Variants in HS2ST1 observed in about 807,000 individuals in gnomAD.
HS2ST1 encodes the protein heparan sulfate 2-O-sulfotransferase 1, also known as 2-O-sulfotransferase.
HS2ST1 carries 18 observed loss-of-function variants against 42.9 expected under a neutral mutation model. The ratio of observed to expected loss-of-function variants is 0.42; its 90% CI spans 0.29 to 0.62. The LOEUF is 0.62. Among genes scored for constraint, HS2ST1 ranks in the 20% least tolerant of loss-of-function variants. The pLI, the probability that HS2ST1 is intolerant of heterozygous loss-of-function variation, is 0.21. For synonymous variants in HS2ST1, 146 were observed against 152.9 expected, an observed-to-expected ratio of 0.95 and a Z score of 0.33; for missense variants, 334 against 433.8, an observed-to-expected ratio of 0.77 and a Z score of 2.04.
chr1:87,004,062 C>CT (rs1365670777), intron 1 of HS2ST1, among the ~76,000 whole-genome samples: 2 of 151,976 alleles, frequency 1.3e-5, no homozygotes, highest in Admixed American at 1.3e-4. Flanking sequence ...GCTTCTGAAT[C>CT]TTTTTTGTTG....
intron 1 of HS2ST1, among the ~76,000 whole-genome samples, chr1:87,049,272 T>C (rs747345846): frequency 1.3e-5 from 2 of 151,920 alleles, no homozygotes; most frequent in Non-Finnish European, 2.9e-5. Flanking sequence ...AATTTGTATC[T>C]TCCCTTTTTT....
intron 1 of HS2ST1, among the ~76,000 whole-genome samples, chr1:86,994,378 G>C (rs948086180): frequency 3.3e-5 from 5 of 152,116 alleles, no homozygotes; most frequent in African/African-American, 9.7e-5. Flanking sequence ...AGAGAAATTA[G>C]ATGAAGTTTC....
At chr1:86,960,463 G>A (rs943476036) in intron 1 of HS2ST1, among the ~76,000 whole-genome samples, 1 of 152,144 alleles carries the variant, frequency 6.6e-6, no homozygotes, top group Non-Finnish European at 1.5e-5. Context: ...AAATATGTAC[G>A]TTTTGTGAAA....
At chr1:87,014,745 A>G (rs1319219149) in intron 1 of HS2ST1, among the ~76,000 whole-genome samples, 3 of 152,178 alleles carry the variant, frequency 2.0e-5, no homozygotes, top group African/African-American at 4.8e-5. Flanking sequence ...AAATACTTCT[A>G]CCCAACACAT....
intron 1 of HS2ST1, among the ~76,000 whole-genome samples, chr1:87,020,200 C>T (rs751573697): frequency 5.3e-5 from 8 of 152,132 alleles, no homozygotes; most frequent in African/African-American, 9.7e-5. Context: ...GAACTCTGGC[C>T]ATTTCAAATC....
At chr1:87,070,233 C>T (rs967527433) in intron 1 of HS2ST1, among the ~76,000 whole-genome samples, 7 of 152,032 alleles carry the variant, frequency 4.6e-5, no homozygotes, top group Non-Finnish European at 8.8e-5. Flanking sequence ...GGTGTTTGGA[C>T]GTAACATTAC....
rs1450074984 is a variant in HS2ST1 at position 87,092,686 on chromosome 1, A to G, written c.588+17A>G. The G allele has an allele frequency of 2.7e-6, 4 of 1,489,208 alleles. No individual in the cohort carries two copies. In the African/African-American group the frequency reaches 5.8e-5, roughly 22 times the overall value. The allele number at this position is 1,489,208 out of a possible 1,614,324, so 92.2% of individuals were successfully genotyped here. A position where few individuals can be genotyped will look rare whatever the true frequency, so the allele number is the denominator to read the frequency against. The stretch of plus-strand genomic sequence containing the variant: ...GACAAAAAGGTAATATTTTAGTTTT[A>G]AGATTTTTATAAAGATAATTGTTTA... On this transcript the variant is annotated intron_variant, in intron 4 of 6. Transcript: ENST00000370550.
intron 1 of HS2ST1, among the ~76,000 whole-genome samples, chr1:86,990,812 T>TTATAGATATATATATA (rs1553135488): frequency 9.8e-5 from 1 of 10,246 alleles, no homozygotes; most frequent in African/African-American, 1.5e-4. Context: ...CTGGCTAATT[T>TTATAGATATATATATA]TATATATATA....
chr1:86,941,821 C>A (rs983625384), intron 1 of HS2ST1, among the ~76,000 whole-genome samples: 1 of 152,122 alleles, frequency 6.6e-6, no homozygotes, highest in African/African-American at 2.4e-5. Context: ...GCCCCTGGTA[C>A]CTGCTACTGA....
intron 1 of HS2ST1, among the ~76,000 whole-genome samples, chr1:86,957,817 G>A (rs1232357848): frequency 2.8e-5 from 4 of 142,840 alleles, no homozygotes; most frequent in African/African-American, 1.0e-4. Context: ...TTTTTGAGAT[G>A]GAGTTTCATT....
chr1:87,004,112 C>T (rs903229779), intron 1 of HS2ST1, among the ~76,000 whole-genome samples: 3 of 152,154 alleles, frequency 2.0e-5, no homozygotes, highest in African/African-American at 7.2e-5. Flanking sequence ...GAATACTGGC[C>T]GGGCGTGGTG....
chr1:86,936,573 ATAT>A (rs1424029493), intron 1 of HS2ST1, among the ~76,000 whole-genome samples: 2 of 152,322 alleles, frequency 1.3e-5, no homozygotes, highest in African/African-American at 4.8e-5. Context: ...ATAGGTGTCA[ATAT>A]TATTCCTGTT....
intron 1 of HS2ST1, among the ~76,000 whole-genome samples, chr1:86,949,265 T>G (rs113665802): frequency 1.3e-5 from 2 of 152,024 alleles, no homozygotes; most frequent in Non-Finnish European, 2.9e-5. Context: ...CATACCACCA[T>G]GTCCGTCTAA....
At chr1:87,072,734 G>C (rs1651441698) in intron 1 of HS2ST1, among the ~76,000 whole-genome samples, 200 bp from the exon 2 acceptor site, 1 of 152,052 alleles carries the variant, frequency 6.6e-6, no homozygotes, top group African/African-American at 2.4e-5. Flanking sequence ...TTATGTTCCA[G>C]GCTGTACAGC....
chr1:87,078,287 A>C (rs1372739632), intron 2 of HS2ST1, among the ~76,000 whole-genome samples: 1 of 152,210 alleles, frequency 6.6e-6, no homozygotes, highest in African/African-American at 2.4e-5. Flanking sequence ...GTTAGTGAGA[A>C]GGGTGCTTCT....
At chr1:86,966,648 G>T (rs2102204096) in intron 1 of HS2ST1, among the ~76,000 whole-genome samples, 1 of 152,284 alleles carries the variant, frequency 6.6e-6, no homozygotes, top group African/African-American at 2.4e-5. Flanking sequence ...AGGTCTTACA[G>T]CCCAGGCTGA....
chr1:87,096,089 AT>A (rs1189098491), intron 4 of HS2ST1, among the ~76,000 whole-genome samples: 3 of 151,712 alleles, frequency 2.0e-5, no homozygotes, highest in African/African-American at 7.3e-5. Context: ...TTTTGGTTGA[AT>A]TGAGGAAATC....
chr1:87,093,054 TA>T (rs1450980967), intron 4 of HS2ST1, among the ~76,000 whole-genome samples: 3 of 152,180 alleles, frequency 2.0e-5, no homozygotes, highest in Admixed American at 1.3e-4. Flanking sequence ...CTGAAGCAGC[TA>T]TTTTTTTCTG....
intron 1 of HS2ST1, among the ~76,000 whole-genome samples, chr1:86,975,822 A>T (rs1479517286): frequency 6.6e-6 from 1 of 152,212 alleles, no homozygotes; most frequent in African/African-American, 2.4e-5. Flanking sequence ...CTGGTTATAC[A>T]ACTGTGAGAG....
Sources: gnomAD v4.1 joint callset for allele counts (sites outside exome capture counted in the v4.1 genomes callset) on GRCh38, gnomAD v4.1.1 for gene constraint, MANE v1.5 for transcripts, NCBI Gene and HGNC (gene_info 2026-07-23, HGNC 2026-07-21) for gene names.